ZNF892: variants seen among roughly 807,000 people sequenced by gnomAD.
ZNF892 encodes zinc finger protein 892, also known as zinc finger protein 570-like.
chr2:95,216,157 C>T, the ZNF892 span, among the ~76,000 whole-genome samples: 1 of 152,158 alleles, frequency 6.6e-6, no homozygotes, highest in Non-Finnish European at 1.5e-5. Flanking sequence ...GAGAACTACT[C>T]AACTGAATAT....
the ZNF892 span, among the ~76,000 whole-genome samples, chr2:95,221,272 ACAAC>A: frequency 5.3e-5 from 8 of 152,358 alleles, no homozygotes; most frequent in East Asian, 1.3e-3. Context: ...CCCAATAAAA[ACAAC>A]TGTGAATATA....
At chr2:95,211,689 G>C in the ZNF892 span, 262 of 398,594 alleles carry the variant, frequency 6.6e-4, 2 homozygotes, top group East Asian at 9.3e-3. Context: ...AGGGAGATGT[G>C]CCTGAGAAGC....
the ZNF892 span, among the ~76,000 whole-genome samples, chr2:95,256,268 T>C: frequency 6.6e-6 from 1 of 152,216 alleles, no homozygotes; most frequent in Non-Finnish European, 1.5e-5. Flanking sequence ...GCAGGCCTGG[T>C]GATGACAAAA....
At chr2:95,215,532 A>T in the ZNF892 span, 1 of 410,592 alleles carries the variant, frequency 2.4e-6, no homozygotes, top group African/African-American at 2.0e-5. Context: ...TGGAGTGAAA[A>T]CCAAGAAATA....
At chr2:95,249,168 AGTT>A in the ZNF892 span, among the ~76,000 whole-genome samples, 1 of 143,488 alleles carries the variant, frequency 7.0e-6, no homozygotes, top group Non-Finnish European at 1.5e-5. Flanking sequence ...GGTTTCTAAT[AGTT>A]TCATTTACAT....
the ZNF892 span, among the ~76,000 whole-genome samples, chr2:95,235,406 A>T: frequency 5.6e-5 from 8 of 141,780 alleles, no homozygotes; most frequent in African/African-American, 8.1e-5. Context: ...TCTGTCGCCC[A>T]GGCTGGGTGC....
chr2:95,230,834 C>G, the ZNF892 span, among the ~76,000 whole-genome samples: 3 of 152,336 alleles, frequency 2.0e-5, no homozygotes, highest in Middle Eastern at 3.4e-3. Flanking sequence ...TTTAATCCAG[C>G]ATTTCCATTT....
chr2:95,241,700 T>C, the ZNF892 span, among the ~76,000 whole-genome samples: 1 of 152,124 alleles, frequency 6.6e-6, no homozygotes, highest in Non-Finnish European at 1.5e-5. Context: ...CAAACTTTGC[T>C]GAGCTAAAGG....
At chr2:95,208,519 ATAT>A in the ZNF892 span, 16 of 396,924 alleles carry the variant, frequency 4.0e-5, no homozygotes, top group African/African-American at 1.0e-4. Context: ...TGATTAAAAG[ATAT>A]TATGCGATTT....
chr2:95,208,368 A>G, the ZNF892 span, among the ~76,000 whole-genome samples: 1 of 152,190 alleles, frequency 6.6e-6, no homozygotes, highest in African/African-American at 2.4e-5. Flanking sequence ...ACATACAAAG[A>G]CTTTGAGTAT....
chr2:95,255,505 G>C, the ZNF892 span, among the ~76,000 whole-genome samples: 1 of 152,044 alleles, frequency 6.6e-6, no homozygotes, highest in South Asian at 2.1e-4. Context: ...CCAACTATGT[G>C]GTCAATTTTG....
the ZNF892 span, among the ~76,000 whole-genome samples, chr2:95,225,531 A>G: frequency 5.5e-4 from 83 of 152,232 alleles, no homozygotes; most frequent in Non-Finnish European, 5.4e-4. Flanking sequence ...TGGCTTAATC[A>G]CCTCTTAAAA....
the ZNF892 span, among the ~76,000 whole-genome samples, chr2:95,228,430 A>T: frequency 6.6e-6 from 1 of 152,112 alleles, no homozygotes; most frequent in African/African-American, 2.4e-5. Context: ...CCCTGTTTTT[A>T]AAAAAATTTT....
the ZNF892 span, among the ~76,000 whole-genome samples, chr2:95,213,973 C>G: frequency 6.6e-6 from 1 of 152,254 alleles, no homozygotes; most frequent in Admixed American, 6.5e-5. Context: ...CTGATCCTAT[C>G]TCCTCTAAAG....
At chr2:95,258,754 C>T in the ZNF892 span, among the ~76,000 whole-genome samples, 1 of 152,110 alleles carries the variant, frequency 6.6e-6, no homozygotes, top group Non-Finnish European at 1.5e-5. Context: ...GGTTCTAGAG[C>T]AAATGGGGCA....
chr2:95,235,361 CTTTT>C, the ZNF892 span, among the ~76,000 whole-genome samples: 2 of 132,088 alleles, frequency 1.5e-5, no homozygotes, highest in Admixed American at 7.6e-5. Flanking sequence ...TTCCAGTAAA[CTTTT>C]TTTTTTTTTT....
At chr2:95,230,045 G>C in the ZNF892 span, among the ~76,000 whole-genome samples, 12 of 152,046 alleles carry the variant, frequency 7.9e-5, no homozygotes. Flanking sequence ...TGGAATAAAA[G>C]GAATGAAATA....
At chr2:95,235,320 G>C in the ZNF892 span, among the ~76,000 whole-genome samples, 1 of 151,180 alleles carries the variant, frequency 6.6e-6, no homozygotes, top group Non-Finnish European at 1.5e-5. Flanking sequence ...CTGGTTTGCA[G>C]TTGGAATGTC....
chr2:95,215,663 T>C, the ZNF892 span: 1 of 398,130 alleles, frequency 2.5e-6, no homozygotes, highest in East Asian at 3.6e-5. Flanking sequence ...ATACTTGCTG[T>C]GGGGGTCTAC....
Sources: gnomAD v4.1 joint callset for allele counts (sites outside exome capture counted in the v4.1 genomes callset) on GRCh38, gnomAD v4.1.1 for gene constraint, MANE v1.5 for transcripts, NCBI Gene and HGNC (gene_info 2026-07-23, HGNC 2026-07-21) for gene names.